Variants in ITSN2 observed in about 807,000 individuals in gnomAD.
ITSN2 encodes the protein intersectin-2.
ITSN2 carries 156 observed loss-of-function variants against 243.7 expected under a neutral mutation model. The ratio of observed to expected loss-of-function variants is 0.64; its 90% CI spans 0.56 to 0.73. ITSN2 has a LOEUF of 0.73. Ranked by LOEUF, ITSN2 falls within the 30% of genes least tolerant of loss-of-function variation. The pLI is 0.00. For missense variants in ITSN2, 1,801 were observed against 1,996.1 expected (o/e 0.90, Z 1.86); for synonymous variants, 703 against 699.9 (o/e 1.00, Z -0.07).
chr2:24,217,081 C>G (rs2151129813), intron 31 of ITSN2, among the ~76,000 whole-genome samples: 1 of 28,122 alleles, frequency 3.6e-5, no homozygotes, highest in East Asian at 1.2e-3. Flanking sequence ...GAGACTCCGT[C>G]TCAAAAAAAA....
chr2:24,303,883 A>G (rs767006222), intron 8 of ITSN2, 21 bp from the exon 9 acceptor site: 10 of 1,516,378 alleles, frequency 6.6e-6, no homozygotes, highest in East Asian at 2.3e-5. Context: ...GGGGAAAATC[A>G]TAAAGGAATT....
intron 7 of ITSN2, among the ~76,000 whole-genome samples, chr2:24,309,789 A>C (rs1216735340): frequency 6.6e-6 from 1 of 152,182 alleles, no homozygotes; most frequent in African/African-American, 2.4e-5. Context: ...CTAGGATATG[A>C]ATGTTGTTCT....
At chr2:24,335,784 C>A (rs770201270) in intron 1 of ITSN2, among the ~76,000 whole-genome samples, 1 of 151,816 alleles carries the variant, frequency 6.6e-6, no homozygotes, top group Non-Finnish European at 1.5e-5. Context: ...GATTAAGGTG[C>A]CTGCCACCAT....
At chr2:24,264,160 G>A (rs1290052266) in intron 20 of ITSN2, among the ~76,000 whole-genome samples, 1 of 152,132 alleles carries the variant, frequency 6.6e-6, no homozygotes, top group African/African-American at 2.4e-5. Flanking sequence ...GGAAGGCCGA[G>A]GGGGGCAGAT....
At chr2:24,320,376 G>A (rs1486111053) in intron 2 of ITSN2, among the ~76,000 whole-genome samples, 13 of 150,526 alleles carry the variant, frequency 8.6e-5, no homozygotes, top group South Asian at 2.1e-4. Flanking sequence ...AAAATTAGCC[G>A]GGCGCGGTGG....
At chr2:24,253,607 T>A (rs894954919) in intron 24 of ITSN2, among the ~76,000 whole-genome samples, 1 of 152,268 alleles carries the variant, frequency 6.6e-6, no homozygotes, top group African/African-American at 2.4e-5. Context: ...AAATTGGTTT[T>A]GTTCGCTCAT....
chr2:24,352,674 A>T (rs1331932881), intron 1 of ITSN2, among the ~76,000 whole-genome samples: 1 of 152,198 alleles, frequency 6.6e-6, no homozygotes, highest in Admixed American at 6.5e-5. Flanking sequence ...ATCAACCAAT[A>T]AGCCAGGAGA....
Position 24,312,211 on chromosome 2 carries a change from C to T in ITSN2, c.352+1G>A. ...AGGTATTTAAATTAATACATACTTACCAAAACGAGCAGAAATTAATGGAGA... is the reference window on the plus strand; with the variant it reads ...AGGTATTTAAATTAATACATACTTATCAAAACGAGCAGAAATTAATGGAGA... On this transcript the variant is annotated splice_donor_variant, in intron 5 of 39. Transcript: ENST00000355123. LOFTEE classifies it high-confidence loss of function. 1 of 1,600,902 alleles carries T rather than the reference C, an allele frequency of 6.2e-7. No individual in the cohort carries two copies.
In ITSN2 at chr2:24,257,096, C is replaced by T. The variant is rs539007098; in HGVS notation, c.2888+792G>A. Among the ~76,000 whole-genome samples the T allele has an allele frequency of 4.6e-5, 7 of 152,236 alleles. No homozygotes were observed. In the South Asian group the frequency reaches 6.2e-4, roughly 14 times the overall value. On this transcript the variant is annotated intron_variant, in intron 23 of 39. Transcript: ENST00000355123. ...CTTTGGGAGGTGGAGGCAGGAAGATCGCTTGAGCCCAGGAGTTTGAGAACA... is the reference window on the plus strand; with the variant it reads ...CTTTGGGAGGTGGAGGCAGGAAGATTGCTTGAGCCCAGGAGTTTGAGAACA...
chr2:24,208,149 C>T, intron 37 of ITSN2, 88 bp downstream of exon 37: 1 of 1,129,216 alleles, frequency 8.9e-7, no homozygotes, highest in Non-Finnish European at 1.3e-6. Context: ...CAGACCCGTC[C>T]CTATATCATC....
At chr2:24,269,046 T>C (rs114459373) in intron 20 of ITSN2, among the ~76,000 whole-genome samples, 130 of 128,718 alleles carry the variant, frequency 1.0e-3, no homozygotes, top group African/African-American at 3.6e-3. Context: ...TTCCCTAACA[T>C]TAAACTCTCC....
intron 1 of ITSN2, among the ~76,000 whole-genome samples, chr2:24,347,841 C>T (rs184790318): frequency 6.0e-4 from 91 of 151,914 alleles, no homozygotes; most frequent in Admixed American, 5.8e-3. Context: ...GGGAGGCCAA[C>T]GCGGGAGAAT....
chr2:24,345,443 G>A (rs954235815), intron 1 of ITSN2, among the ~76,000 whole-genome samples: 3 of 151,994 alleles, frequency 2.0e-5, no homozygotes, highest in Non-Finnish European at 2.9e-5. Context: ...TTATATAAAC[G>A]TATATATACC....
chr2:24,321,176 T>G (rs1251806081), intron 2 of ITSN2, among the ~76,000 whole-genome samples: 1 of 152,220 alleles, frequency 6.6e-6, no homozygotes, highest in Non-Finnish European at 1.5e-5. Flanking sequence ...CTTCCCGAGC[T>G]TGGGATTAGC....
chr2:24,294,450 G>A (rs1421197933), intron 14 of ITSN2, among the ~76,000 whole-genome samples: 1 of 151,974 alleles, frequency 6.6e-6, no homozygotes, highest in African/African-American at 2.4e-5. Context: ...TAGGAAAGCA[G>A]GTTTAAATCA....
At position 24,312,278 on chromosome 2, in the gene ITSN2, G is replaced by C; in HGVS notation, c.286C>G (p.Pro96Ala). The change falls in exon 5 of 40, where the codon CCT becomes GCT. Residue 96 changes from proline to alanine, a missense_variant. Around this residue, in one of 5 missense-constraint regions of ITSN2, gnomAD observed 787 missense variants for 803.9 expected, o/e 0.98. Coordinates refer to ENST00000355123, the MANE Select transcript of ITSN2 (RefSeq NM_006277.3). ...TTCATAATAGGAGGGAGAACCACAG[G>C]CAACTGTTGGCCTTGAAGCTTCAGT... ...IKLKLQGQQL[P>A]VVLPPIMKQP... 6.2e-7 allele frequency: 1 copy of C among 1,613,610 alleles called. No homozygotes were observed. The highest frequency in any genetic ancestry group is 8.5e-7 in the Non-Finnish European group (1 of 1,179,690).
chr2:24,231,209 C>G (rs184836758), intron 29 of ITSN2, among the ~76,000 whole-genome samples: 1 of 152,322 alleles, frequency 6.6e-6, no homozygotes, highest in East Asian at 1.9e-4. Flanking sequence ...ATGCTACACA[C>G]TTCACATTCT....
At chr2:24,341,100 T>G (rs986926262) in intron 1 of ITSN2, among the ~76,000 whole-genome samples, 2 of 152,168 alleles carry the variant, frequency 1.3e-5, no homozygotes, top group African/African-American at 4.8e-5. Context: ...AAGAGGAGCA[T>G]CACAGATGGG....
At chr2:24,322,958 A>T (rs1279660013) in intron 2 of ITSN2, among the ~76,000 whole-genome samples, 1 of 152,134 alleles carries the variant, frequency 6.6e-6, no homozygotes, top group East Asian at 1.9e-4. Context: ...AGCACGTGAC[A>T]AGATGCTCAA....
Sources: gnomAD v4.1 joint callset for allele counts (sites outside exome capture counted in the v4.1 genomes callset) on GRCh38, gnomAD v4.1.1 for gene constraint, gnomAD v4.1.1 regional missense constraint, MANE v1.5 for transcripts, NCBI Gene and HGNC (gene_info 2026-07-23, HGNC 2026-07-21) for gene names.